The following RYK variants were observed in gnomAD, a reference collection of about 807,000 sequenced individuals.
RYK encodes the protein receptor like tyrosine kinase.
In RYK, 21 loss-of-function variants were observed where a neutral mutation model predicts 70.2. That is an observed-to-expected ratio of 0.30 (90% CI 0.21 to 0.43). The LOEUF is 0.43. Ranked by LOEUF, RYK falls within the 20% of genes least tolerant of loss-of-function variation. RYK has a pLI of 1.00. For missense variants in RYK, 604 were observed against 753.3 expected (o/e 0.80, Z 2.32); for synonymous variants, 267 against 278.0 (o/e 0.96, Z 0.39).
intron 13 of RYK, among the ~76,000 whole-genome samples, chr3:134,163,803 G>A (rs1487057589): frequency 6.6e-6 from 1 of 152,140 alleles, no homozygotes; most frequent in African/African-American, 2.4e-5. Context: ...AGGCCTTTCT[G>A]TTCATATTAG....
chr3:134,187,065 A>G (rs1275824945), intron 9 of RYK, among the ~76,000 whole-genome samples: 3 of 152,210 alleles, frequency 2.0e-5, no homozygotes, highest in Non-Finnish European at 2.9e-5. Flanking sequence ...TTACCCTTTA[A>G]AAGTGTTTTT....
At chr3:134,215,320 G>C (rs975927925) in intron 2 of RYK, among the ~76,000 whole-genome samples, 14 of 152,176 alleles carry the variant, frequency 9.2e-5, no homozygotes, top group African/African-American at 3.4e-4. Context: ...GAGTGTAGCT[G>C]GCCAATGAGG....
intron 7 of RYK, among the ~76,000 whole-genome samples, chr3:134,192,669 G>A (rs1260967799): frequency 6.6e-6 from 1 of 152,050 alleles, no homozygotes; most frequent in Non-Finnish European, 1.5e-5. Flanking sequence ...TAGAATAAAA[G>A]GAAAATCTGG....
chr3:134,236,350 T>A (rs1459176452), intron 1 of RYK, among the ~76,000 whole-genome samples: 1 of 152,094 alleles, frequency 6.6e-6, no homozygotes, highest in Non-Finnish European at 1.5e-5. Flanking sequence ...ACAATTCCAT[T>A]TACAATAGCA....
chr3:134,245,406 T>C (rs899789271), intron 1 of RYK, among the ~76,000 whole-genome samples: 18 of 150,546 alleles, frequency 1.2e-4, no homozygotes, highest in African/African-American at 4.2e-4. Context: ...CATCAAACCA[T>C]AAGGACAAAC....
chr3:134,231,206 AAAAGAAG>A (rs1175471051), intron 1 of RYK, among the ~76,000 whole-genome samples: 1 of 151,892 alleles, frequency 6.6e-6, no homozygotes, highest in Non-Finnish European at 1.5e-5. Context: ...AAAAAAAAAA[AAAAGAAG>A]AAAATGCAGG....
chr3:134,214,394 T>C (rs2014491862), intron 2 of RYK, among the ~76,000 whole-genome samples: 1 of 152,196 alleles, frequency 6.6e-6, no homozygotes, highest in Non-Finnish European at 1.5e-5. Flanking sequence ...CCAGGTGCTG[T>C]GTTCATAGCA....
chr3:134,244,206 C>T (rs904701157), intron 1 of RYK, among the ~76,000 whole-genome samples: 1 of 152,150 alleles, frequency 6.6e-6, no homozygotes, highest in African/African-American at 2.4e-5. Flanking sequence ...CCATTCCCCA[C>T]CCACCCACCA....
At chr3:134,186,578 GCTTT>G (rs904460084) in intron 9 of RYK, among the ~76,000 whole-genome samples, 15 of 152,098 alleles carry the variant, frequency 9.9e-5, no homozygotes, top group African/African-American at 2.9e-4. Context: ...GACTCACTGT[GCTTT>G]CTCTTATTTC....
intron 13 of RYK, among the ~76,000 whole-genome samples, chr3:134,168,633 T>G (rs7635074): frequency 0.98 from 135,137 of 138,538 alleles, 66,020 homozygotes; most frequent in East Asian, 1. Context: ...GGTAGGGGGA[T>G]GGGGGAGGGA....
At chr3:134,249,597 G>GC (rs767921801) in intron 1 of RYK, among the ~76,000 whole-genome samples, 4 of 152,116 alleles carry the variant, frequency 2.6e-5, no homozygotes, top group Admixed American at 6.5e-5. Context: ...TAAGACCCCA[G>GC]CAATTTTTCA....
chr3:134,244,678 T>A (rs765557824), intron 1 of RYK, among the ~76,000 whole-genome samples: 24 of 152,212 alleles, frequency 1.6e-4, no homozygotes, highest in African/African-American at 5.5e-4. Flanking sequence ...TCAGAACTTA[T>A]ACACTTCCAT....
At chr3:134,234,886 A>G (rs941675865) in intron 1 of RYK, among the ~76,000 whole-genome samples, 2 of 152,160 alleles carry the variant, frequency 1.3e-5, no homozygotes, top group African/African-American at 2.4e-5. Context: ...AGAACCAAAT[A>G]TAAGTATGAC....
chr3:134,161,417 A>C (rs1412522329), intron 13 of RYK, among the ~76,000 whole-genome samples: 1 of 152,144 alleles, frequency 6.6e-6, no homozygotes, highest in Admixed American at 6.5e-5. Context: ...TACCCACTAG[A>C]TGATAGTAGC....
chr3:134,176,319 T>C (rs948360016), intron 11 of RYK, among the ~76,000 whole-genome samples: 1 of 152,232 alleles, frequency 6.6e-6, no homozygotes, highest in Non-Finnish European at 1.5e-5. Flanking sequence ...AGCTGCTCAA[T>C]ACATCTGTTC....
At chr3:134,164,723 T>C (rs368212413) in intron 13 of RYK, among the ~76,000 whole-genome samples, 8 of 152,380 alleles carry the variant, frequency 5.3e-5, no homozygotes, top group South Asian at 2.1e-4. Context: ...CTGCGTAGTG[T>C]TGGTAAGAAC....
rs1438208948 is a variant in RYK at position 134,198,034 on chromosome 3, T to G, written c.789-2852A>C. 2.6e-5 allele frequency among the ~76,000 whole-genome samples: 4 copies of G among 152,316 alleles called. No homozygotes were observed. In the East Asian group the frequency reaches 7.7e-4, roughly 29 times the overall value. On this transcript the variant is annotated intron_variant, in intron 6 of 14. Coordinates refer to ENST00000623711, the MANE Select transcript of RYK (RefSeq NM_002958.4). ...ATTTTTTTTTGAATCCAAGACTTAC[T>G]GTTATGATAGAAGCAAGAAGCAATT...
intron 10 of RYK, chr3:134,178,334 C>G: frequency 3.0e-6 from 1 of 329,764 alleles, no homozygotes; most frequent in East Asian, 7.2e-5. Flanking sequence ...GGGCTGGATT[C>G]TCTGAAGGCA....
chr3:134,167,401 T>C (rs6783989), intron 13 of RYK, among the ~76,000 whole-genome samples: 93,978 of 151,970 alleles, frequency 0.62, 29,419 homozygotes, highest in Middle Eastern at 0.78. Context: ...AACAGAGATA[T>C]AGACCAATGG....
Sources: gnomAD v4.1 joint callset for allele counts (sites outside exome capture counted in the v4.1 genomes callset) on GRCh38, gnomAD v4.1.1 for gene constraint, MANE v1.5 for transcripts, NCBI Gene and HGNC (gene_info 2026-07-23, HGNC 2026-07-21) for gene names.